Variants in FSTL4 observed in about 807,000 individuals in gnomAD.
FSTL4 encodes follistatin-related protein 4.
A neutral mutation model predicts 78.2 loss-of-function variants in FSTL4; 28 were observed. The ratio of observed to expected loss-of-function variants is 0.36; its 90% CI spans 0.27 to 0.49. The LOEUF is 0.49. Ranked by LOEUF, FSTL4 falls within the 20% of genes least tolerant of loss-of-function variation. FSTL4 has a pLI of 0.98. For missense variants in FSTL4, 922 were observed against 1,084.9 expected, an observed-to-expected ratio of 0.85 and a Z score of 2.11; for synonymous variants, 422 against 440.5, an observed-to-expected ratio of 0.96 and a Z score of 0.53.
intron 3 of FSTL4, among the ~76,000 whole-genome samples, chr5:133,557,076 G>A (rs946663035): frequency 2.0e-5 from 3 of 152,212 alleles, no homozygotes; most frequent in African/African-American, 7.2e-5. Context: ...AGCTACCCTA[G>A]GGGACAGGGC....
the FSTL4 span, among the ~76,000 whole-genome samples, chr5:133,783,056 TAC>T: frequency 6.6e-6 from 1 of 152,206 alleles, no homozygotes; most frequent in Admixed American, 6.5e-5. Context: ...CATAAAACGC[TAC>T]AAAGTTTACA....
chr5:133,753,719 G>T, the FSTL4 span, among the ~76,000 whole-genome samples: 1 of 131,220 alleles, frequency 7.6e-6, no homozygotes, highest in South Asian at 2.6e-4. Flanking sequence ...GTGTGTGTGT[G>T]TGTGTGTGTA....
intron 1 of FSTL4, among the ~76,000 whole-genome samples, chr5:133,609,865 T>C (rs1292660272): frequency 1.3e-5 from 2 of 152,250 alleles, no homozygotes; most frequent in Non-Finnish European, 2.9e-5. Flanking sequence ...GGAAATTCCA[T>C]GCCTTATGTT....
the FSTL4 span, among the ~76,000 whole-genome samples, chr5:133,765,852 A>T: frequency 6.6e-6 from 1 of 152,198 alleles, no homozygotes; most frequent in African/African-American, 2.4e-5. Flanking sequence ...GCCATTTAGG[A>T]AGGAAGAGAC....
intron 3 of FSTL4, among the ~76,000 whole-genome samples, chr5:133,419,426 C>T (rs1242222536): frequency 6.6e-6 from 1 of 152,168 alleles, no homozygotes; most frequent in African/African-American, 2.4e-5. Context: ...CCAGTTCATT[C>T]CTTTTTATTG....
chr5:133,471,044 T>C (rs1239900593), intron 3 of FSTL4, among the ~76,000 whole-genome samples: 1 of 151,038 alleles, frequency 6.6e-6, no homozygotes, highest in Non-Finnish European at 1.5e-5. Context: ...TGAGGAAGGA[T>C]ATATGTCTTT....
the FSTL4 span, among the ~76,000 whole-genome samples, chr5:133,623,958 A>T: frequency 1.3e-5 from 2 of 152,032 alleles, no homozygotes; most frequent in Admixed American, 1.3e-4. Flanking sequence ...GGAAAATAAC[A>T]AGTGTTGGTG....
chr5:133,284,083 T>A (rs543540582), intron 6 of FSTL4, among the ~76,000 whole-genome samples: 14 of 152,034 alleles, frequency 9.2e-5, no homozygotes, highest in Non-Finnish European at 1.9e-4. Context: ...CAATTCAACA[T>A]GAGATTTGGG....
intron 3 of FSTL4, among the ~76,000 whole-genome samples, chr5:133,492,670 T>C (rs1397911447): frequency 2.0e-5 from 3 of 152,190 alleles, no homozygotes; most frequent in Non-Finnish European, 4.4e-5. Context: ...GTATTTATAC[T>C]GTTCATGATT....
At chr5:133,525,895 T>C (rs1054731067) in intron 3 of FSTL4, among the ~76,000 whole-genome samples, 1 of 152,244 alleles carries the variant, frequency 6.6e-6, no homozygotes, top group African/African-American at 2.4e-5. Context: ...AATATTCTCC[T>C]AGCTCTTTAT....
intron 4 of FSTL4, among the ~76,000 whole-genome samples, chr5:133,369,616 C>A (rs1206456311): frequency 1.3e-5 from 2 of 152,224 alleles, no homozygotes; most frequent in East Asian, 3.8e-4. Flanking sequence ...CAGCCCCTCC[C>A]ACTGCCCAGG....
At position 133,199,380 on chromosome 5, in the gene FSTL4, T is replaced by A. The variant is rs1363345446; in HGVS notation, c.2244A>T (p.Gln748His). 1 of 1,614,150 alleles carries A rather than the reference T, an allele frequency of 6.2e-7. No homozygotes were observed. Among genetic ancestry groups the A allele is most frequent in the South Asian group, 1.1e-5 (1 of 91,070 alleles). The stretch of plus-strand genomic sequence containing the variant: ...TGTGCAGAGCCGCGTAGATGTTGTA[T>A]TGATTGCTTTCAGTGAAGGAGCGCT... ...AFQRSFTESN[Q>H]YNIYAALHTE... The change falls in exon 16 of 16, where the codon CAA becomes CAT. Residue 748 changes from glutamine (Q) to histidine (H), a missense_variant. Coordinates refer to ENST00000265342, the MANE Select transcript of FSTL4 (RefSeq NM_015082.2). This position sits in a 1 kb window ranked among gnomAD's most constrained non-coding sequence, Gnocchi z 4.4.
chr5:133,655,114 A>G, the FSTL4 span, among the ~76,000 whole-genome samples: 2 of 152,080 alleles, frequency 1.3e-5, no homozygotes, highest in African/African-American at 2.4e-5. Flanking sequence ...CCCTACACCT[A>G]TTTCCTCCTG....
At chr5:133,566,259 G>C (rs1373978817) in intron 3 of FSTL4, among the ~76,000 whole-genome samples, 2 of 152,194 alleles carry the variant, frequency 1.3e-5, no homozygotes, top group African/African-American at 4.8e-5. Flanking sequence ...GAATATCCAT[G>C]TATCAAAGCA....
chr5:133,767,114 G>A, the FSTL4 span, among the ~76,000 whole-genome samples: 1 of 152,212 alleles, frequency 6.6e-6, no homozygotes, highest in African/African-American at 2.4e-5. Context: ...GTATATTTAG[G>A]AGGTGGTAAC....
chr5:133,696,299 G>T, the FSTL4 span, among the ~76,000 whole-genome samples: 868 of 152,322 alleles, frequency 5.7e-3, 7 homozygotes, highest in African/African-American at 0.02. Context: ...TCCTGGCTTT[G>T]TCTGGGGCTC....
In FSTL4 at chr5:133,338,180, G is replaced by C. The variant is rs1754505461; in HGVS notation, c.410-21528C>G. Among the ~76,000 whole-genome samples the C allele has an allele frequency of 6.6e-6, 1 of 152,206 alleles. No individual in the cohort carries two copies. The highest frequency in any genetic ancestry group is 2.4e-5 in the African/African-American group (1 of 41,452). On this transcript the variant is annotated intron_variant, in intron 4 of 15. Transcript: ENST00000265342. This position sits in a 1 kb window ranked among gnomAD's most constrained non-coding sequence, Gnocchi z 4.0. ...AAATGTCGATTGAGTCATGTTTCTAGATGACTCGGGTCACTCACTGGCCCT... is the reference window on the plus strand; with the variant it reads ...AAATGTCGATTGAGTCATGTTTCTACATGACTCGGGTCACTCACTGGCCCT...
intron 4 of FSTL4, among the ~76,000 whole-genome samples, chr5:133,399,876 T>C (rs1330295290): frequency 2.0e-5 from 3 of 152,226 alleles, no homozygotes; most frequent in African/African-American, 7.2e-5. Context: ...CACTTCCTAA[T>C]TCATGTATAC....
intron 3 of FSTL4, among the ~76,000 whole-genome samples, chr5:133,526,197 T>C (rs1759095529): frequency 6.6e-6 from 1 of 152,190 alleles, no homozygotes. Context: ...AGGCCTACGG[T>C]AAATGATCAA....
Sources: gnomAD v4.1 joint callset for allele counts (sites outside exome capture counted in the v4.1 genomes callset) on GRCh38, gnomAD v4.1.1 for gene constraint, Gnocchi (gnomAD v3.1) non-coding constraint, MANE v1.5 for transcripts, NCBI Gene and HGNC (gene_info 2026-07-23, HGNC 2026-07-21) for gene names.